Variants in RYR2 observed in about 807,000 individuals in gnomAD.
RYR2 encodes the protein ryanodine receptor 2, also known as cardiac muscle ryanodine receptor-calcium release channel.
A neutral mutation model predicts 601.1 loss-of-function variants in RYR2; 227 were observed. That is an observed-to-expected ratio of 0.38 (90% CI 0.34 to 0.42). RYR2 has a LOEUF of 0.42. Ranked by LOEUF, RYR2 falls within the 10% of genes least tolerant of loss-of-function variation. The probability of loss-of-function intolerance (pLI) is 1.00; values close to 1 mark genes in which losing one functional copy is unlikely to be tolerated. For synonymous variants in RYR2, 2,223 were observed against 2,175.1 expected (o/e 1.02, Z -0.61); for missense variants, 4,646 against 6,156.5 (o/e 0.75, Z 8.21).
chr1:237,706,119 T>G (rs1232845877), intron 67 of RYR2, among the ~76,000 whole-genome samples: 1 of 152,036 alleles, frequency 6.6e-6, no homozygotes, highest in Non-Finnish European at 1.5e-5. Context: ...CGTGGTGGTG[T>G]GTGCCTGTAA....
chr1:237,065,028 G>A (rs1054654539), intron 1 of RYR2, among the ~76,000 whole-genome samples: 3 of 151,870 alleles, frequency 2.0e-5, no homozygotes, highest in African/African-American at 4.8e-5. Flanking sequence ...GTTTTAACTT[G>A]TTCTTAAGAA....
chr1:237,475,944 G>A (rs1661349166), intron 17 of RYR2, among the ~76,000 whole-genome samples: 1 of 152,206 alleles, frequency 6.6e-6, no homozygotes, highest in Admixed American at 6.5e-5. Flanking sequence ...GTATGAGTAA[G>A]TACAGTTGAT....
intron 91 of RYR2, among the ~76,000 whole-genome samples, chr1:237,787,764 A>G (rs1483042472): frequency 6.6e-6 from 1 of 152,140 alleles, no homozygotes; most frequent in Non-Finnish European, 1.5e-5. Context: ...AATGTCCTCT[A>G]TATTTCAACT....
At chr1:237,145,858 T>C (rs1673942605) in intron 1 of RYR2, among the ~76,000 whole-genome samples, 5 of 152,216 alleles carry the variant, frequency 3.3e-5, no homozygotes, top group African/African-American at 1.2e-4. Context: ...AGCTATATTT[T>C]TAAACGAGGG....
chr1:237,075,247 G>C (rs1664869957), intron 1 of RYR2, among the ~76,000 whole-genome samples: 1 of 152,098 alleles, frequency 6.6e-6, no homozygotes, highest in South Asian at 2.1e-4. Context: ...AAGAAAGTGT[G>C]TTGGAAAGAA....
chr1:237,556,279 A>ATATTATTATTATTAT (rs57036969), intron 27 of RYR2, among the ~76,000 whole-genome samples: 26 of 142,928 alleles, frequency 1.8e-4, no homozygotes, highest in Admixed American at 1.3e-3. Flanking sequence ...ATTTTTTAAA[A>ATATTATTATTATTAT]TATTATTATT....
chr1:237,546,272 A>G (rs905673476), intron 25 of RYR2, among the ~76,000 whole-genome samples: 2 of 152,258 alleles, frequency 1.3e-5, no homozygotes, highest in Non-Finnish European at 2.9e-5. Context: ...GACATAGATC[A>G]GTAATTTGTC....
At chr1:237,565,173 TTC>T (rs757005946) in intron 27 of RYR2, among the ~76,000 whole-genome samples, 21 of 31,564 alleles carry the variant, frequency 6.7e-4, no homozygotes, top group African/African-American at 1.3e-3. Context: ...CTTTCTTTCT[TTC>T]TTTCTTTCTT....
intron 1 of RYR2, among the ~76,000 whole-genome samples, chr1:237,077,555 C>A (rs1665127796): frequency 7.8e-6 from 1 of 128,710 alleles, no homozygotes; most frequent in African/African-American, 2.8e-5. Flanking sequence ...GTAAAGGGAT[C>A]AATTCAACAA....
chr1:237,142,706 C>T (rs1673518606), intron 1 of RYR2, among the ~76,000 whole-genome samples: 1 of 152,178 alleles, frequency 6.6e-6, no homozygotes. Context: ...CTGTGAGCTC[C>T]AGGTCAGACA....
At chr1:237,654,727 C>T (rs1683078195) in intron 52 of RYR2, among the ~76,000 whole-genome samples, 1 of 152,146 alleles carries the variant, frequency 6.6e-6, no homozygotes, top group African/African-American at 2.4e-5. Context: ...AGTCCCATCT[C>T]CAATCTTATA....
chr1:237,591,301 G>A (rs573958937), intron 31 of RYR2, among the ~76,000 whole-genome samples: 58 of 151,582 alleles, frequency 3.8e-4, no homozygotes, highest in Middle Eastern at 3.4e-3. Context: ...ATTTGTTAGC[G>A]TAGGTGCAAT....
intron 29 of RYR2, among the ~76,000 whole-genome samples, chr1:237,573,756 G>A (rs939308791): frequency 1.3e-5 from 2 of 151,552 alleles, no homozygotes; most frequent in Non-Finnish European, 2.9e-5. Flanking sequence ...AGGTTGCAGT[G>A]AGCTGAGATC....
At chr1:237,298,942 T>C (rs1047138818) in intron 2 of RYR2, among the ~76,000 whole-genome samples, 2 of 152,094 alleles carry the variant, frequency 1.3e-5, no homozygotes, top group Admixed American at 1.3e-4. Context: ...TGAAGTGAGC[T>C]ATGATCATGC....
In RYR2 at chr1:237,249,704, C is replaced by G. The variant is rs576696603; in HGVS notation, c.49-20793C>G. ...CACTCTAGCATTGGCCTCAAAATATCAAGCCCTAAGAAATTCTGTTAGTTG... is the reference window on the plus strand; with the variant it reads ...CACTCTAGCATTGGCCTCAAAATATGAAGCCCTAAGAAATTCTGTTAGTTG... On this transcript the variant is annotated intron_variant, in intron 1 of 104. Coordinates refer to ENST00000366574, the MANE Select transcript of RYR2 (RefSeq NM_001035.3). Among the ~76,000 whole-genome samples the G allele has an allele frequency of 2.6e-5, 4 of 152,314 alleles. No homozygotes were observed. The East Asian group carries it at 7.7e-4, about 29-fold the overall frequency.
At chr1:237,348,869 A>C (rs909203485) in intron 3 of RYR2, among the ~76,000 whole-genome samples, 16 of 152,222 alleles carry the variant, frequency 1.1e-4, no homozygotes, top group African/African-American at 3.4e-4. Context: ...ACAGTAAGTA[A>C]AGTAAGAACT....
At chr1:237,232,146 T>C (rs1413000977) in intron 1 of RYR2, among the ~76,000 whole-genome samples, 1 of 152,220 alleles carries the variant, frequency 6.6e-6, no homozygotes, top group African/African-American at 2.4e-5. Flanking sequence ...TCCAAAGTGA[T>C]GTCTTTTGTA....
chr1:237,717,143 G>A lies in RYR2; in HGVS notation c.10324-55G>A, dbSNP rs181504021. Reference sequence around the variant, plus strand: ...GACAAGTTAGGGAAGAGTCATAGTGGTTCTACATGTGAGAAAAGCAGGTTC... The same window carrying A: ...GACAAGTTAGGGAAGAGTCATAGTGATTCTACATGTGAGAAAAGCAGGTTC... On this transcript the variant is annotated intron_variant, in intron 71 of 104. Transcript: ENST00000366574. 1.7e-3 allele frequency: 2,571 copies of A among 1,531,544 alleles called. 7 individuals are homozygous for A. Among genetic ancestry groups the A allele is most frequent in the Admixed American group, 3.3e-3 (186 of 56,594 alleles). The allele number at this position is 1,531,544 out of a possible 1,614,324, so 94.9% of individuals were successfully genotyped here.
intron 25 of RYR2, among the ~76,000 whole-genome samples, chr1:237,547,034 C>A (rs2148075816): frequency 7.5e-6 from 1 of 134,066 alleles, no homozygotes; most frequent in Non-Finnish European, 1.6e-5. Flanking sequence ...GAGATGGAGT[C>A]TTGCTCTGTC....
Sources: gnomAD v4.1 joint callset for allele counts (sites outside exome capture counted in the v4.1 genomes callset) on GRCh38, gnomAD v4.1.1 for gene constraint, MANE v1.5 for transcripts, NCBI Gene and HGNC (gene_info 2026-07-23, HGNC 2026-07-21) for gene names.